The following RAPGEF2 variants were observed in gnomAD, a reference collection of about 807,000 sequenced individuals.
RAPGEF2 encodes Rap guanine nucleotide exchange factor 2, also known as PDZ domain containing guanine nucleotide exchange factor (GEF) 1.
A neutral mutation model predicts 186.7 loss-of-function variants in RAPGEF2; 54 were observed. The observed-to-expected ratio is 0.29, with a 90% CI of 0.23 to 0.36. RAPGEF2 has a LOEUF of 0.36. Among genes scored for constraint, RAPGEF2 ranks in the 10% least tolerant of loss-of-function variants. RAPGEF2 has a pLI of 1.00. For missense variants in RAPGEF2, 1,532 were observed against 2,045.0 expected, an observed-to-expected ratio of 0.75 and a Z score of 4.84; for synonymous variants, 712 against 705.9, an observed-to-expected ratio of 1.01 and a Z score of -0.14.
chr4:159,248,638 T>C (rs949304924), intron 7 of RAPGEF2, among the ~76,000 whole-genome samples: 1 of 152,218 alleles, frequency 6.6e-6, no homozygotes, highest in Admixed American at 6.5e-5. Flanking sequence ...CTCCTTGCTT[T>C]AGGGGGACTA....
At chr4:159,160,053 A>T (rs756633914) in intron 1 of RAPGEF2, among the ~76,000 whole-genome samples, 2 of 152,220 alleles carry the variant, frequency 1.3e-5, no homozygotes, top group Non-Finnish European at 2.9e-5. Context: ...ACACTTACAT[A>T]GTTGTTTTAG....
At chr4:159,194,408 T>C (rs1398385665) in intron 3 of RAPGEF2, among the ~76,000 whole-genome samples, 1 of 152,080 alleles carries the variant, frequency 6.6e-6, no homozygotes, top group Non-Finnish European at 1.5e-5. Flanking sequence ...TTATGGAAAA[T>C]TTCAGACACA....
chr4:159,227,837 A>G (rs1752201010), intron 4 of RAPGEF2, among the ~76,000 whole-genome samples: 1 of 152,106 alleles, frequency 6.6e-6, no homozygotes, highest in African/African-American at 2.4e-5. Context: ...ATTTAAATTT[A>G]TTCTAGTATT....
At chr4:159,104,534 C>CAGAGAGAG (rs1209953581) in intron 1 of RAPGEF2, among the ~76,000 whole-genome samples, 2 of 62,428 alleles carry the variant, frequency 3.2e-5, no homozygotes, top group Non-Finnish European at 7.1e-5. Flanking sequence ...GAGGGAGAGA[C>CAGAGAGAG]AGAGAGAGAG....
intron 1 of RAPGEF2, among the ~76,000 whole-genome samples, chr4:159,146,165 C>T (rs1013571495): frequency 2.6e-5 from 4 of 151,550 alleles, no homozygotes; most frequent in Admixed American, 1.3e-4. Flanking sequence ...TTATATAATT[C>T]TATGAAATTA....
At chr4:159,319,668 G>A (rs755125781) in intron 9 of RAPGEF2, among the ~76,000 whole-genome samples, 2 of 151,934 alleles carry the variant, frequency 1.3e-5, no homozygotes, top group Non-Finnish European at 2.9e-5. Context: ...TGTATTTCTG[G>A]TTTTTCAGCT....
intron 1 of RAPGEF2, among the ~76,000 whole-genome samples, chr4:159,173,511 G>T (rs969461601): frequency 6.6e-6 from 1 of 152,232 alleles, no homozygotes; most frequent in Non-Finnish European, 1.5e-5. Context: ...ATGTATAGCA[G>T]CCCCTGTCTG....
chr4:159,103,338 G>A lies in RAPGEF2; in HGVS notation c.-825G>A, dbSNP rs1737391864. ...GGCTGCAGCCCGGGCCGGGTGCTCT[G>A]GCCGCGGCGGCGCCGGCGCCGGGGC... On this transcript the variant is annotated 5_prime_UTR_variant, in exon 1 of 30. Coordinates refer to ENST00000691494, the MANE Select transcript of RAPGEF2 (RefSeq NM_001394067.2). 6.6e-6 allele frequency: 1 copy of A among 151,814 alleles called. No individual in the cohort carries two copies. The highest frequency in any genetic ancestry group is 3.4e-3 in the Middle Eastern group (1 of 292). 9.4% of individuals were successfully genotyped at this position (151,814 alleles called of 1,614,324 possible). A position where few individuals can be genotyped will look rare whatever the true frequency, so the allele number is the denominator to read the frequency against.
chr4:159,269,084 A>T (rs979568306), intron 7 of RAPGEF2, among the ~76,000 whole-genome samples: 4 of 152,222 alleles, frequency 2.6e-5, no homozygotes, highest in African/African-American at 9.6e-5. Flanking sequence ...TCTTTCATGT[A>T]TTCTAAAGAA....
chr4:159,355,878 G>GCGCC lies in RAPGEF2; in HGVS notation c.4678_4679insGCCC (p.Pro1560ArgfsTer16). 6.6e-6 allele frequency: 10 copies of GCGCC among 1,515,848 alleles called. No individual in the cohort carries two copies. The highest frequency in any genetic ancestry group is 7.2e-6 in the Non-Finnish European group (8 of 1,117,986). The allele number at this position is 1,515,848 out of a possible 1,614,324, so 93.9% of individuals were successfully genotyped here. A position where few individuals can be genotyped will look rare whatever the true frequency, so the allele number is the denominator to read the frequency against. ...CACGAAAGGAGGGCAGGTATCGAGA[G>GCGCC]CCCCCGCCCACCCCTCCCGGCTACA... is the stretch of plus-strand genomic sequence containing the variant. On this transcript the variant is annotated frameshift_variant, in exon 29 of 30. Transcript: ENST00000691494. LOFTEE classifies it high-confidence loss of function.
chr4:159,268,046 C>CT (rs1365014823), intron 7 of RAPGEF2: 11 of 1,463,292 alleles, frequency 7.5e-6, no homozygotes, highest in Non-Finnish European at 9.9e-6. Flanking sequence ...TTTCCCTCCT[C>CT]CCTTTTTTTT....
chr4:159,265,028 G>A (rs954002771), intron 7 of RAPGEF2, among the ~76,000 whole-genome samples: 3 of 152,106 alleles, frequency 2.0e-5, no homozygotes, highest in Non-Finnish European at 2.9e-5. Flanking sequence ...TGCTTCTACC[G>A]TTTGGCAACA....
At chr4:159,243,745 T>C (rs1373318511) in intron 6 of RAPGEF2, 29 bp from the exon 7 acceptor site, 5 of 1,266,066 alleles carry the variant, frequency 3.9e-6, no homozygotes, top group Admixed American at 2.3e-5. Context: ...TTTCCTCCTT[T>C]ATGGCACTCA....
intron 8 of RAPGEF2, among the ~76,000 whole-genome samples, chr4:159,305,760 A>G (rs1270984691): frequency 1.3e-5 from 2 of 152,112 alleles, no homozygotes; most frequent in African/African-American, 4.8e-5. Flanking sequence ...CAGTGTCCAA[A>G]AGAATTTTCC....
At position 159,103,999 on chromosome 4, in the gene RAPGEF2, C is replaced by A; in HGVS notation, c.-164C>A. 5.9e-6 allele frequency: 1 copy of A among 168,336 alleles called. No homozygotes were observed. Among genetic ancestry groups the A allele is most frequent in the South Asian group, 1.7e-4 (1 of 5,924 alleles). 10.4% of individuals were successfully genotyped at this position (168,336 alleles called of 1,614,324 possible). A position where few individuals can be genotyped will look rare whatever the true frequency, so the allele number is the denominator to read the frequency against. On this transcript the variant is annotated 5_prime_UTR_variant, in exon 1 of 30. Transcript: ENST00000691494. The stretch of plus-strand genomic sequence containing the variant: ...CGCGCTCTCGGCCGCCGGGCCCAGC[C>A]GAGCCGCCCCCCCGCGGGCCCCGCG...
chr4:159,253,938 G>A (rs183756997), intron 7 of RAPGEF2, among the ~76,000 whole-genome samples: 4 of 151,668 alleles, frequency 2.6e-5, no homozygotes, highest in Admixed American at 1.3e-4. Context: ...GCGAGACTCC[G>A]TCTCAAAAAA....
chr4:159,175,337 T>C (rs1408720458), intron 1 of RAPGEF2, among the ~76,000 whole-genome samples: 1 of 152,218 alleles, frequency 6.6e-6, no homozygotes. Flanking sequence ...TGGATTTTTT[T>C]TCTTACATTG....
At chr4:159,357,462 A>G (rs774177680) in intron 29 of RAPGEF2, among the ~76,000 whole-genome samples, 2 of 152,228 alleles carry the variant, frequency 1.3e-5, no homozygotes, top group African/African-American at 2.4e-5. Flanking sequence ...CTATCTGACC[A>G]TGCTGAATTG....
At position 159,329,854 on chromosome 4, in the gene RAPGEF2, C is replaced by T. The variant is rs376269491; in HGVS notation, c.1150-4C>T. On this transcript the variant is annotated splice_polypyrimidine_tract_variant and splice_region_variant and intron_variant, in intron 11 of 29. Coordinates refer to ENST00000691494, the MANE Select transcript of RAPGEF2 (RefSeq NM_001394067.2). Reference sequence around the variant, plus strand: ...ATTAACATGTGACTTATGTTTTATTCCAGTTTGTCTGCATAGCCCAGCAAG... The same window carrying T: ...ATTAACATGTGACTTATGTTTTATTTCAGTTTGTCTGCATAGCCCAGCAAG... The T allele has an allele frequency of 2.1e-5, 33 of 1,603,924 alleles. No homozygotes were observed. Among genetic ancestry groups the T allele is most frequent in the Non-Finnish European group, 2.7e-5 (32 of 1,174,858 alleles).
Sources: gnomAD v4.1 joint callset for allele counts (sites outside exome capture counted in the v4.1 genomes callset) on GRCh38, gnomAD v4.1.1 for gene constraint, MANE v1.5 for transcripts, NCBI Gene and HGNC (gene_info 2026-07-23, HGNC 2026-07-21) for gene names.